ARGFX: variants seen among roughly 807,000 people sequenced by gnomAD.
The protein encoded by ARGFX is arginine-fifty homeobox.
ARGFX carries 10 observed loss-of-function variants against 8.0 expected under a neutral mutation model. That is an observed-to-expected ratio of 1.25 (90% CI 0.77 to 2.12). The LOEUF (loss-of-function observed/expected upper bound fraction) is 2.12, where lower values mean the gene tolerates loss of function less well. Among genes scored for constraint, ARGFX ranks in the 30% most tolerant of loss-of-function variants. The pLI, the probability that ARGFX is intolerant of heterozygous loss-of-function variation, is 0.00. For missense variants in ARGFX, 282 were observed against 324.3 expected (o/e 0.87, Z 1.00); for synonymous variants, 116 against 117.8 (o/e 0.98, Z 0.10).
intron 2 of ARGFX, among the ~76,000 whole-genome samples, chr3:121,571,169 C>T (rs904293808): frequency 6.6e-6 from 1 of 152,030 alleles, no homozygotes; most frequent in Non-Finnish European, 1.5e-5. Flanking sequence ...AACAAACAAA[C>T]AAAAGCTCAT....
chr3:121,586,138 C>G lies in ARGFX; in HGVS notation c.486C>G (p.Ser162=), dbSNP rs1222053406. The G allele has an allele frequency of 6.2e-7, 1 of 1,613,994 alleles. No homozygotes were observed. The highest frequency in any genetic ancestry group is 1.7e-5 in the Admixed American group (1 of 59,972). ...ATGTGCCCACCTCCCCCAGAACATCCCCCAGTCCTTATGCTTTTTCTCCTG... is the reference window on the plus strand; with the variant it reads ...ATGTGCCCACCTCCCCCAGAACATCGCCCAGTCCTTATGCTTTTTCTCCTG... ...KKNVPTSPRT[S]PSPYAFSPVI... The change falls in exon 5 of 5, where the codon TCC becomes TCG. Residue 162 remains serine (S), a synonymous_variant. Transcript: ENST00000334384.
At chr3:121,574,498 T>G (rs2048725380) in intron 2 of ARGFX, among the ~76,000 whole-genome samples, 1 of 152,182 alleles carries the variant, frequency 6.6e-6, no homozygotes, top group Admixed American at 6.5e-5. Flanking sequence ...AGGCATTAGA[T>G]TCTCATAATG....
At chr3:121,584,043 G>A (rs1006740479) in intron 3 of ARGFX, among the ~76,000 whole-genome samples, 1 of 152,022 alleles carries the variant, frequency 6.6e-6, no homozygotes, top group Non-Finnish European at 1.5e-5. Flanking sequence ...AGCCAGGAGG[G>A]GTGATAGTGC....
At chr3:121,572,779 A>G (rs2048716504) in intron 2 of ARGFX, among the ~76,000 whole-genome samples, 1 of 152,224 alleles carries the variant, frequency 6.6e-6, no homozygotes, top group South Asian at 2.1e-4. Flanking sequence ...AAATTACAGT[A>G]ATCAAAGAGT....
rs1298512282 is a variant in ARGFX, at chr3:121,590,533, G to T, written c.*3933G>T. Among the ~76,000 whole-genome samples, 3 of 150,798 alleles carry T rather than the reference G, an allele frequency of 2.0e-5. No homozygotes were observed. Among genetic ancestry groups the T allele is most frequent in the Non-Finnish European group, 2.9e-5 (2 of 67,904 alleles). On this transcript the variant is annotated 3_prime_UTR_variant, in exon 5 of 5. Coordinates refer to ENST00000334384, the MANE Select transcript of ARGFX (RefSeq NM_001012659.2). ...TGCCATGGGAGGATGAAACATGAAGGCCCTGGCCAGGTGTGGCCCCTCCAT... is the reference window on the plus strand; with the variant it reads ...TGCCATGGGAGGATGAAACATGAAGTCCCTGGCCAGGTGTGGCCCCTCCAT...
chr3:121,568,885 C>A (rs1009342976), intron 1 of ARGFX, among the ~76,000 whole-genome samples: 1 of 152,152 alleles, frequency 6.6e-6, no homozygotes, highest in Non-Finnish European at 1.5e-5. Context: ...CTTAGGCCAT[C>A]TGTTGTTATT....
intron 2 of ARGFX, 61 bp from the exon 3 acceptor site, chr3:121,576,723 C>A (rs1049644962): frequency 7.7e-6 from 2 of 258,528 alleles, no homozygotes; most frequent in Non-Finnish European, 1.6e-5. Context: ...TTCTTTCTTT[C>A]TTTCTTTCTT....
At chr3:121,576,716 T>C (rs1356672416) in intron 2 of ARGFX, 68 bp from the exon 3 acceptor site, 1 of 210,828 alleles carries the variant, frequency 4.7e-6, no homozygotes, top group Non-Finnish European at 9.5e-6. Context: ...TTTTTCTTTC[T>C]TTCTTTCTTT....
In ARGFX at chr3:121,586,762, T is replaced by A; in HGVS notation, c.*162T>A. ...GAGTTTTCCAAGTAGAGCTGGGCACTACGTAATCAGCCCCACAAGTCTCCC... is the reference window on the plus strand; with the variant it reads ...GAGTTTTCCAAGTAGAGCTGGGCACAACGTAATCAGCCCCACAAGTCTCCC... On this transcript the variant is annotated 3_prime_UTR_variant, in exon 5 of 5. Coordinates refer to ENST00000334384, the MANE Select transcript of ARGFX (RefSeq NM_001012659.2). The A allele has an allele frequency of 1.5e-6, 1 of 651,452 alleles. No homozygotes were observed. Among genetic ancestry groups the A allele is most frequent in the Non-Finnish European group, 2.6e-6 (1 of 391,014 alleles). The allele number at this position is 651,452 out of a possible 1,614,324, so 40.4% of individuals were successfully genotyped here.
At position 121,589,518 on chromosome 3, in the gene ARGFX, A is replaced by G. The variant is rs1043902961; in HGVS notation, c.*2918A>G. Among the ~76,000 whole-genome samples, 7 of 152,098 alleles carry G rather than the reference A, an allele frequency of 4.6e-5. No individual in the cohort carries two copies. The highest frequency in any genetic ancestry group is 1.0e-4 in the Non-Finnish European group (7 of 68,010). On this transcript the variant is annotated 3_prime_UTR_variant, in exon 5 of 5. Transcript: ENST00000334384. ...TAGCCTCCCAAGTAGCTGGGACTAC[A>G]GGTGTACGCCACCACACCCAGCTAA...
intron 2 of ARGFX, among the ~76,000 whole-genome samples, chr3:121,571,309 T>C (rs1174325483): frequency 6.6e-6 from 1 of 152,122 alleles, no homozygotes; most frequent in African/African-American, 2.4e-5. Flanking sequence ...ATTGTTTGTA[T>C]ACAATGTTTA....
Position 121,586,752 on chromosome 3 carries a change from A to T in ARGFX, c.*152A>T. 1 of 701,858 alleles carries T rather than the reference A, an allele frequency of 1.4e-6. No individual in the cohort carries two copies. The highest frequency in any genetic ancestry group is 2.9e-5 in the Admixed American group (1 of 33,934). The allele number at this position is 701,858 out of a possible 1,614,324, so 43.5% of individuals were successfully genotyped here. A position where few individuals can be genotyped will look rare whatever the true frequency, so the allele number is the denominator to read the frequency against. ...GTTGCAAAAAGAGTTTTCCAAGTAG[A>T]GCTGGGCACTACGTAATCAGCCCCA... On this transcript the variant is annotated 3_prime_UTR_variant, in exon 5 of 5. Transcript: ENST00000334384.
At chr3:121,582,206 G>A (rs891228470) in intron 3 of ARGFX, among the ~76,000 whole-genome samples, 5 of 152,166 alleles carry the variant, frequency 3.3e-5, no homozygotes, top group African/African-American at 1.2e-4. Flanking sequence ...TGGGGGGAAA[G>A]TGGTTATCTT....
intron 1 of ARGFX, among the ~76,000 whole-genome samples, chr3:121,568,585 CTGTG>C (rs1448209313): frequency 6.6e-6 from 1 of 152,196 alleles, no homozygotes; most frequent in East Asian, 1.9e-4. Flanking sequence ...AGGGTTTAGA[CTGTG>C]TGTACAAGAG....
rs890096860 is a variant in ARGFX, at chr3:121,587,903, A to T, written c.*1303A>T. Among the ~76,000 whole-genome samples the T allele has an allele frequency of 2.0e-5, 3 of 152,048 alleles. No homozygotes were observed. Among genetic ancestry groups the T allele is most frequent in the African/African-American group, 7.2e-5 (3 of 41,398 alleles). On this transcript the variant is annotated 3_prime_UTR_variant, in exon 5 of 5. Transcript: ENST00000334384. ...TGGGTTTTTTTAAAATGAGACTTTC[A>T]GTCCTAATTTGAGGGGAAATTACTG...
chr3:121,584,834 G>GT, intron 3 of ARGFX, 83 bp from the exon 4 acceptor site: 1 of 1,479,216 alleles, frequency 6.8e-7, no homozygotes, highest in South Asian at 1.3e-5. Flanking sequence ...ATGGTGATTT[G>GT]TTTTTTGGTT....
Position 121,587,912 on chromosome 3 carries a change from T to G in ARGFX, c.*1312T>G, listed in dbSNP as rs760236800. Among the ~76,000 whole-genome samples, 5 of 151,838 alleles carry G rather than the reference T, an allele frequency of 3.3e-5. No homozygotes were observed. Among genetic ancestry groups the G allele is most frequent in the Non-Finnish European group, 7.4e-5 (5 of 67,982 alleles). ...TTAAAATGAGACTTTCAGTCCTAAT[T>G]TGAGGGGAAATTACTGTCACCACTA... is the stretch of plus-strand genomic sequence containing the variant. On this transcript the variant is annotated 3_prime_UTR_variant, in exon 5 of 5. Transcript: ENST00000334384.
At chr3:121,581,069 G>A (rs371347476) in intron 3 of ARGFX, among the ~76,000 whole-genome samples, 2 of 151,994 alleles carry the variant, frequency 1.3e-5, no homozygotes, top group Non-Finnish European at 2.9e-5. Flanking sequence ...TCTGCCTCCC[G>A]GGTTCAAGCG....
At chr3:121,585,850 A>T (rs1372755174) in intron 4 of ARGFX, among the ~76,000 whole-genome samples, 172 bp from the exon 5 acceptor site, 9 of 152,044 alleles carry the variant, frequency 5.9e-5, no homozygotes, top group Admixed American at 5.9e-4. Context: ...CCTGATCTTC[A>T]TCATCCCTCC....
Sources: gnomAD v4.1 joint callset for allele counts (sites outside exome capture counted in the v4.1 genomes callset) on GRCh38, gnomAD v4.1.1 for gene constraint, MANE v1.5 for transcripts, NCBI Gene and HGNC (gene_info 2026-07-23, HGNC 2026-07-21) for gene names.